Variants in TIAM2 observed in about 807,000 individuals in gnomAD.
The protein encoded by TIAM2 is rho guanine nucleotide exchange factor TIAM2.
A neutral mutation model predicts 152.9 loss-of-function variants in TIAM2; 80 were observed. That is an observed-to-expected ratio of 0.52 (90% CI 0.44 to 0.63). TIAM2 has a LOEUF of 0.63. TIAM2 is among the 30% of genes least tolerant of loss of function. The pLI is 0.00. For synonymous variants in TIAM2, 804 were observed against 838.0 expected, an observed-to-expected ratio of 0.96 and a Z score of 0.70; for missense variants, 1,965 against 2,120.1, an observed-to-expected ratio of 0.93 and a Z score of 1.44.
chr6:155,001,305 T>C (rs966364468), intron 1 of TIAM2, among the ~76,000 whole-genome samples: 2 of 152,182 alleles, frequency 1.3e-5, no homozygotes, highest in Non-Finnish European at 2.9e-5. Context: ...AGTTTGAAAT[T>C]GCACAGCTGA....
In TIAM2 at chr6:155,218,570, C is replaced by A. The variant is rs1453285478; in HGVS notation, c.3168+7263C>A. 2.0e-5 allele frequency among the ~76,000 whole-genome samples: 3 copies of A among 152,190 alleles called. No individual in the cohort carries two copies. On this transcript the variant is annotated intron_variant, in intron 15 of 26. Coordinates refer to ENST00000682666, the MANE Select transcript of TIAM2 (RefSeq NM_012454.4). The surrounding 1 kb of genome is among the most constrained non-coding windows in gnomAD (Gnocchi z 4.5). ...CAACCCAGTGTTGTCAAAGGAATCA[C>A]GTGAGATTATGTCCAACTAGGAGCA...
intron 1 of TIAM2, among the ~76,000 whole-genome samples, chr6:155,078,418 A>G (rs73792684): frequency 0.012 from 1,787 of 152,204 alleles, 36 homozygotes; most frequent in African/African-American, 0.04. Context: ...AGGCATCCTT[A>G]TCTGCTTTTC....
chr6:155,074,986 C>G (rs1378469587), intron 1 of TIAM2, among the ~76,000 whole-genome samples: 3 of 151,372 alleles, frequency 2.0e-5, no homozygotes, highest in Middle Eastern at 3.2e-3. Context: ...GAATGGGTCT[C>G]GATGCAATTC....
chr6:155,144,330 G>A (rs1273459198), intron 5 of TIAM2, among the ~76,000 whole-genome samples: 1 of 152,216 alleles, frequency 6.6e-6, no homozygotes, highest in Non-Finnish European at 1.5e-5. Flanking sequence ...GATTAAATAA[G>A]CCAGTGCATG....
chr6:155,175,783 T>C (rs1780746696), intron 9 of TIAM2, among the ~76,000 whole-genome samples: 1 of 152,230 alleles, frequency 6.6e-6, no homozygotes, highest in African/African-American at 2.4e-5. Flanking sequence ...AAGGACGTAT[T>C]AGCATGAAGT....
In TIAM2 at chr6:155,253,779, G is replaced by A. The variant is rs145744172; in HGVS notation, c.4226-194G>A. 4,978 of 517,970 alleles carry A rather than the reference G, an allele frequency of 9.6e-3. 37 individuals carry two copies. The highest frequency in any genetic ancestry group is 0.015 in the Middle Eastern group (41 of 2,736). The allele number at this position is 517,970 out of a possible 1,614,324, so 32.1% of individuals were successfully genotyped here. Reference sequence around the variant, plus strand: ...TGGAGGAAAATCTGCAGCAGGAAATGTAAAAAGTAACCAAAAGGCATTTCA... The same window carrying A: ...TGGAGGAAAATCTGCAGCAGGAAATATAAAAAGTAACCAAAAGGCATTTCA... On this transcript the variant is annotated intron_variant, in intron 24 of 26. Transcript: ENST00000682666.
At chr6:155,057,456 G>A (rs1207032083) in intron 1 of TIAM2, among the ~76,000 whole-genome samples, 1 of 149,820 alleles carries the variant, frequency 6.7e-6, no homozygotes, top group East Asian at 2.0e-4. Context: ...TGTCACTGTT[G>A]ATGTTAATCT....
chr6:155,103,445 C>T (rs529957271), intron 2 of TIAM2, among the ~76,000 whole-genome samples: 77 of 151,804 alleles, frequency 5.1e-4, no homozygotes, highest in African/African-American at 1.4e-3. Context: ...AATTAGTGGC[C>T]GGGCGCGGTA....
rs551165152 is a variant in TIAM2 at position 155,176,830 on chromosome 6, G to A, written c.2376G>A (p.Leu792=). The A allele has an allele frequency of 1.2e-6, 2 of 1,610,924 alleles. No individual in the cohort carries two copies. Among genetic ancestry groups the A allele is most frequent in the African/African-American group, 2.7e-5 (2 of 74,778 alleles). Residue 792 remains leucine (L), a synonymous_variant, in exon 10 of 27, where the codon CTG becomes CTA. Transcript: ENST00000682666. ...TCTACAAACAGGTCGATGAACTTCT[G>A]CATATATATGGTTCAACAGTAGACG... ...RPSITQVDEL[L]HIYGSTVDGV...
rs75374988 is a variant in TIAM2, at chr6:155,196,951, A to T, written c.3064+13451A>T. Among the ~76,000 whole-genome samples the T allele has an allele frequency of 4.4e-3, 674 of 152,348 alleles. 1 individual carries two copies. The highest frequency in any genetic ancestry group is 8.0e-3 in the Non-Finnish European group (544 of 68,022). On this transcript the variant is annotated intron_variant, in intron 14 of 26. Transcript: ENST00000682666. ...AATGTGACAAAGTTCAAATTATCCC[A>T]TTTTGTTACTTGTTGGTAGCTCTGG...
In TIAM2 at chr6:155,087,483, T is replaced by C. The variant is rs571264516; in HGVS notation, c.-208-2806T>C. Among the ~76,000 whole-genome samples, 201 of 152,324 alleles carry C rather than the reference T, an allele frequency of 1.3e-3. 1 individual carries two copies. Among genetic ancestry groups the C allele is most frequent in the African/African-American group, 4.5e-3 (188 of 41,576 alleles). The stretch of plus-strand genomic sequence containing the variant: ...ATTTTTTTCGGCTGGGTGCAGTGGC[T>C]CACGCCTGTAATTCCAGCACTTTGG... On this transcript the variant is annotated intron_variant, in intron 1 of 26. Transcript: ENST00000682666.
Position 155,244,766 on chromosome 6 carries a change from A to G in TIAM2, c.3526A>G (p.Thr1176Ala). The G allele has an allele frequency of 4.3e-6, 7 of 1,609,846 alleles. No individual in the cohort carries two copies. Among genetic ancestry groups the G allele is most frequent in the Non-Finnish European group, 5.1e-6 (6 of 1,178,028 alleles). ...ATCATCTGACTTTAACACCCTAGAAACCCCCTCACAGTTTAGAGTAAGTAT... is the reference window on the plus strand; with the variant it reads ...ATCATCTGACTTTAACACCCTAGAAGCCCCCTCACAGTTTAGAGTAAGTAT... The part of the protein sequence containing the change: ...SASSDFNTLE[T>A]PSQFRKLLFS... The change falls in exon 18 of 27, where the codon ACC becomes GCC. Residue 1176 changes from threonine (T) to alanine (A), a missense_variant. Physicochemically the swap from Thr to Ala is moderately conservative, Grantham distance 58. Around this residue, in one of 3 missense-constraint regions of TIAM2, gnomAD observed 935 missense variants for 980.0 expected, o/e 0.95. Transcript: ENST00000682666.
intron 2 of TIAM2, among the ~76,000 whole-genome samples, chr6:155,104,826 T>C (rs980731083): frequency 3.9e-5 from 6 of 152,120 alleles, no homozygotes; most frequent in African/African-American, 7.2e-5. Context: ...AGATTGTGTG[T>C]GTGCCTATAT....
At chr6:155,102,389 C>A (rs1036094937) in intron 2 of TIAM2, among the ~76,000 whole-genome samples, 1 of 152,140 alleles carries the variant, frequency 6.6e-6, no homozygotes, top group Non-Finnish European at 1.5e-5. Flanking sequence ...TGATTGTCAA[C>A]CCCACTTTAT....
chr6:155,009,494 T>A lies in TIAM2; in HGVS notation c.-209+14002T>A, dbSNP rs557109708. 2.6e-5 allele frequency among the ~76,000 whole-genome samples: 4 copies of A among 152,238 alleles called. No homozygotes were observed. The South Asian group carries it at 8.3e-4, about 32-fold the overall frequency. ...ACTGTGGCTGATCTGGGGCCGCATT[T>A]GGAGAGACTGTGTTCTGGAGGCTCA... is the stretch of plus-strand genomic sequence containing the variant. On this transcript the variant is annotated intron_variant, in intron 1 of 26. Transcript: ENST00000682666.
chr6:155,234,709 T>G (rs907980841), intron 15 of TIAM2, among the ~76,000 whole-genome samples: 8 of 152,234 alleles, frequency 5.3e-5, no homozygotes, highest in Non-Finnish European at 1.2e-4. Context: ...CAGACCAGTC[T>G]TTTGCTTTTA....
intron 15 of TIAM2, among the ~76,000 whole-genome samples, chr6:155,215,467 T>C (rs1352648475): frequency 6.6e-6 from 1 of 152,208 alleles, no homozygotes; most frequent in African/African-American, 2.4e-5. Context: ...CCCTCTCAAG[T>C]CTAACGTAGT....
chr6:155,228,729 TC>T (rs950529671), intron 15 of TIAM2, among the ~76,000 whole-genome samples: 25 of 152,240 alleles, frequency 1.6e-4, no homozygotes, highest in African/African-American at 6.0e-4. Context: ...ATTCCTGAAT[TC>T]CGACCAAACT....
chr6:155,162,476 T>C (rs1210053472), intron 7 of TIAM2, among the ~76,000 whole-genome samples: 1 of 152,230 alleles, frequency 6.6e-6, no homozygotes, highest in Non-Finnish European at 1.5e-5. Flanking sequence ...GAAACAGAAC[T>C]GAGATGATAG....
Sources: allele counts gnomAD v4.1 joint callset (sites outside exome capture counted in the v4.1 genomes callset), GRCh38; gene constraint gnomAD v4.1.1; regional missense constraint gnomAD v4.1.1; non-coding constraint Gnocchi (gnomAD v3.1); transcripts MANE v1.5; gene names NCBI Gene and HGNC (gene_info 2026-07-23, HGNC 2026-07-21).